SLC26A8: variants seen among roughly 807,000 people sequenced by gnomAD.
SLC26A8 encodes the protein solute carrier family 26 member 8.
A neutral mutation model predicts 105.0 loss-of-function variants in SLC26A8; 70 were observed. That is an observed-to-expected ratio of 0.67 (90% CI 0.55 to 0.81). The LOEUF is 0.81. Ranked by LOEUF, SLC26A8 falls within the 40% of genes least tolerant of loss-of-function variation. SLC26A8 has a pLI of 0.00. For missense variants in SLC26A8, 998 were observed against 1,181.8 expected (o/e 0.84, Z 2.28); for synonymous variants, 415 against 438.3 (o/e 0.95, Z 0.66).
chr6:35,954,337 C>T (rs1771978791), intron 17 of SLC26A8, among the ~76,000 whole-genome samples: 1 of 152,184 alleles, frequency 6.6e-6, no homozygotes, highest in Non-Finnish European at 1.5e-5. Context: ...AGGTACTGGA[C>T]AGCCAGCCCC....
chr6:36,020,099 A>T (rs6940239), intron 1 of SLC26A8, among the ~76,000 whole-genome samples: 7,001 of 152,324 alleles, frequency 0.046, 391 homozygotes, highest in African/African-American at 0.13. Flanking sequence ...AGAAGTCCAG[A>T]TGAAGGGTTA....
Position 35,944,341 on chromosome 6 carries a change from C to T in SLC26A8, c.2473-1G>A, listed in dbSNP as rs535416396. ...TCATTTTATATCTTGAATTGTCATT[C>T]TGAAATACAATTAGGTGGGTTAAAA... On this transcript the variant is annotated splice_acceptor_variant, in intron 19 of 19. Coordinates refer to ENST00000490799, the MANE Select transcript of SLC26A8 (RefSeq NM_052961.4). LOFTEE classifies it high-confidence loss of function. 1 of 1,599,428 alleles carries T rather than the reference C, an allele frequency of 6.3e-7. No individual in the cohort carries two copies. The highest frequency in any genetic ancestry group is 8.6e-7 in the Non-Finnish European group (1 of 1,167,754).
intron 10 of SLC26A8, among the ~76,000 whole-genome samples, chr6:35,972,277 C>A (rs1252995590): frequency 1.3e-5 from 2 of 151,984 alleles, no homozygotes; most frequent in Non-Finnish European, 2.9e-5. Flanking sequence ...GAATCAAGAG[C>A]CCCCAGCGGG....
At chr6:36,014,133 T>C (rs1761935362) in intron 2 of SLC26A8, among the ~76,000 whole-genome samples, 1 of 152,192 alleles carries the variant, frequency 6.6e-6, no homozygotes, top group Admixed American at 6.5e-5. Flanking sequence ...AAATATGCTC[T>C]TTCTAATTAT....
rs1334325443 is a variant in SLC26A8, at chr6:35,991,326, C to A, written c.942+333G>T. On this transcript the variant is annotated intron_variant, in intron 7 of 19. Coordinates refer to ENST00000490799, the MANE Select transcript of SLC26A8 (RefSeq NM_052961.4). ...GGCTGAGGCAAGAGAATTGCTTGAA[C>A]CTGGGAGGCAGAGGTTGCAGTGAGC... 2.0e-5 allele frequency among the ~76,000 whole-genome samples: 3 copies of A among 150,686 alleles called. No homozygotes were observed. The East Asian group carries it at 5.8e-4, about 29-fold the overall frequency.
At chr6:36,001,772 T>C (rs1000029900) in intron 3 of SLC26A8, among the ~76,000 whole-genome samples, 15 of 152,152 alleles carry the variant, frequency 9.9e-5, no homozygotes, top group African/African-American at 3.4e-4. Context: ...CCAACACATA[T>C]AGTTGGTCCT....
chr6:35,978,339 A>G (rs1327601734), intron 8 of SLC26A8, among the ~76,000 whole-genome samples: 3 of 152,074 alleles, frequency 2.0e-5, no homozygotes, highest in African/African-American at 7.2e-5. Context: ...GGAAAAAAAA[A>G]TCTTGATGAT....
At position 35,968,973 on chromosome 6, in the gene SLC26A8, T is replaced by C; in HGVS notation, c.1288-19A>G. 1.9e-6 allele frequency: 3 copies of C among 1,609,024 alleles called. No individual in the cohort carries two copies. Among genetic ancestry groups the C allele is most frequent in the Non-Finnish European group, 2.5e-6 (3 of 1,177,440 alleles). On this transcript the variant is annotated intron_variant, in intron 10 of 19. Coordinates refer to ENST00000490799, the MANE Select transcript of SLC26A8 (RefSeq NM_052961.4). ...ATGCAAACTGAGGAGACAGAGCCAG[T>C]TGGAGAGAAACCATCAGGAACGTAT...
chr6:35,953,219 A>G (rs1771941440), intron 17 of SLC26A8, among the ~76,000 whole-genome samples: 1 of 152,178 alleles, frequency 6.6e-6, no homozygotes, highest in South Asian at 2.1e-4. Flanking sequence ...CATTGTCTCC[A>G]TGTTGGGGAT....
At chr6:35,954,226 A>G (rs578191862) in intron 17 of SLC26A8, among the ~76,000 whole-genome samples, 1 of 152,328 alleles carries the variant, frequency 6.6e-6, no homozygotes, top group East Asian at 1.9e-4. Flanking sequence ...AAGAGTAGAA[A>G]AGAAGTCAGG....
intron 11 of SLC26A8, among the ~76,000 whole-genome samples, chr6:35,968,621 A>G (rs1409055610): frequency 0.018 from 1,417 of 77,474 alleles, 20 homozygotes; most frequent in African/African-American, 0.067. Flanking sequence ...ATATATATAT[A>G]TATATATATA....
chr6:35,996,687 C>T (rs1181495042), intron 5 of SLC26A8, among the ~76,000 whole-genome samples: 1 of 152,108 alleles, frequency 6.6e-6, no homozygotes, highest in Non-Finnish European at 1.5e-5. Flanking sequence ...ACTGGGACTA[C>T]AGGCACATGC....
At chr6:35,984,601 A>G (rs1773419076) in intron 7 of SLC26A8, among the ~76,000 whole-genome samples, 1 of 152,004 alleles carries the variant, frequency 6.6e-6, no homozygotes, top group East Asian at 1.9e-4. Flanking sequence ...TGGGATTACA[A>G]GGGTGAGACA....
chr6:35,957,981 G>C (rs1772150914), intron 16 of SLC26A8, among the ~76,000 whole-genome samples: 1 of 151,560 alleles, frequency 6.6e-6, no homozygotes, highest in Non-Finnish European at 1.5e-5. Context: ...TGTGTTATCT[G>C]CCTGACCTTA....
chr6:36,003,875 A>T (rs573554913), intron 3 of SLC26A8, among the ~76,000 whole-genome samples: 103 of 151,794 alleles, frequency 6.8e-4, no homozygotes, highest in Non-Finnish European at 1.2e-3. Flanking sequence ...GTTAGCCAGG[A>T]TGGTCTCGAT....
chr6:36,000,219 G>A, intron 3 of SLC26A8, 111 bp from the exon 4 acceptor site: 1 of 673,780 alleles, frequency 1.5e-6, no homozygotes, highest in Non-Finnish European at 2.6e-6. Context: ...AGCTGACTGA[G>A]TGTGGTAATA....
chr6:36,016,196 G>T (rs538725226), intron 2 of SLC26A8, among the ~76,000 whole-genome samples: 2 of 152,076 alleles, frequency 1.3e-5, no homozygotes, highest in East Asian at 3.9e-4. Context: ...GTTTCACCAC[G>T]TTGGCCAGGA....
At chr6:35,968,841 C>T (rs1211815634) in intron 11 of SLC26A8, 36 bp downstream of exon 11, 9 of 1,368,756 alleles carry the variant, frequency 6.6e-6, no homozygotes, top group South Asian at 2.3e-5. Context: ...GAGCCCTGGT[C>T]GTTGTTGACT....
intron 1 of SLC26A8, among the ~76,000 whole-genome samples, chr6:36,024,004 G>A (rs1032630436): frequency 1.3e-5 from 2 of 151,918 alleles, no homozygotes; most frequent in Non-Finnish European, 2.9e-5. Flanking sequence ...TATTGGGGTG[G>A]GGGTGCTGGA....
Sources: allele counts gnomAD v4.1 joint callset (sites outside exome capture counted in the v4.1 genomes callset), GRCh38; gene constraint gnomAD v4.1.1; transcripts MANE v1.5; gene names NCBI Gene and HGNC (gene_info 2026-07-23, HGNC 2026-07-21).